Variants in ZNF678 observed in about 807,000 individuals in gnomAD.
The protein encoded by ZNF678 is hypothetical protein MGC42493.
Under a neutral mutation model 3.0 loss-of-function variants are expected in ZNF678, and 5 were observed. The observed-to-expected ratio is 1.69, with a 90% confidence interval of 0.88 to 3.56. The LOEUF (loss-of-function observed/expected upper bound fraction) is 3.56, where lower values mean the gene tolerates loss of function less well. Ranked by LOEUF, ZNF678 falls within the 30% of genes most tolerant of loss-of-function variation. The probability of loss-of-function intolerance (pLI) is 0.00; values close to 1 mark genes in which losing one functional copy is unlikely to be tolerated. For missense variants in ZNF678, 593 were observed against 605.0 expected, an observed-to-expected ratio of 0.98 and a Z score of 0.21; for synonymous variants, 218 against 199.6, an observed-to-expected ratio of 1.09 and a Z score of -0.78.
downstream of ZNF678, among the ~76,000 whole-genome samples, chr1:227,667,242 C>G (rs1357458160): frequency 6.6e-6 from 1 of 151,978 alleles, no homozygotes; most frequent in Non-Finnish European, 1.5e-5. Flanking sequence ...TGCCATGTTG[C>G]CCAGGCTGGT....
chr1:227,626,586 G>T (rs556013526), intron 1 of ZNF678, among the ~76,000 whole-genome samples: 1 of 152,174 alleles, frequency 6.6e-6, no homozygotes. Context: ...AAGGTCATTG[G>T]TTAGGAAGGG....
At position 227,646,521 on chromosome 1, in the gene ZNF678, GTGTGTAT is replaced by G; in HGVS notation, c.-163-21_-163-15del. 1 of 1,312,046 alleles carries G rather than the reference GTGTGTAT, an allele frequency of 7.6e-7. No individual in the cohort carries two copies. The highest frequency in any genetic ancestry group is 9.9e-7 in the Non-Finnish European group (1 of 1,005,934). 81.3% of individuals were successfully genotyped at this position (1,312,046 alleles called of 1,614,324 possible). ...TGCCCATGGCACATTTTGTAAATAC[GTGTGTAT>G]TTTTCCCCCCCCCAGGGACTACTGG... On this transcript the variant is annotated splice_polypyrimidine_tract_variant and intron_variant, in intron 1 of 3. Transcript: ENST00000343776.
rs377650704 is a variant in ZNF678, at chr1:227,640,224, G to T, written c.-163-6320G>T. On this transcript the variant is annotated intron_variant, in intron 1 of 3. Transcript: ENST00000343776. ...TTCAGGAGAGGGTGGTGAGGAAGGA[G>T]AATGAGTACAGGCAATGCTAGAGTT... is the stretch of plus-strand genomic sequence containing the variant. Among the ~76,000 whole-genome samples, 11 of 152,166 alleles carry T rather than the reference G, an allele frequency of 7.2e-5. No individual in the cohort carries two copies. In the East Asian group the frequency reaches 1.9e-3, roughly 27 times the overall value.
Position 227,581,556 on chromosome 1 carries a change from G to A in ZNF678, c.-164+17832G>A, listed in dbSNP as rs190426613. 1.7e-4 allele frequency among the ~76,000 whole-genome samples: 26 copies of A among 152,148 alleles called. 1 individual carries two copies. The highest frequency in any genetic ancestry group is 2.6e-4 in the Non-Finnish European group (18 of 68,010). On this transcript the variant is annotated intron_variant, in intron 1 of 3. Coordinates refer to ENST00000343776, the MANE Select transcript of ZNF678 (RefSeq NM_001367909.1). ...ATGTGTACTCTTTATGATTGGCTTCGTTCACTCAACATTCTTAGTGGCGCA... is the reference window on the plus strand; with the variant it reads ...ATGTGTACTCTTTATGATTGGCTTCATTCACTCAACATTCTTAGTGGCGCA...
chr1:227,592,215 C>T (rs191503018), intron 1 of ZNF678, among the ~76,000 whole-genome samples: 3 of 152,334 alleles, frequency 2.0e-5, no homozygotes, highest in East Asian at 3.9e-4. Flanking sequence ...ACAGAGCAAG[C>T]TTTGGTATCT....
intron 1 of ZNF678, among the ~76,000 whole-genome samples, chr1:227,597,861 T>TA (rs1386511793): frequency 6.6e-6 from 1 of 152,212 alleles, no homozygotes; most frequent in African/African-American, 2.4e-5. Context: ...GTGTGGCTAC[T>TA]ATGTCCACAA....
In ZNF678 at chr1:227,586,693, C is replaced by G. The variant is rs551177197; in HGVS notation, c.-164+22969C>G. 2.0e-5 allele frequency among the ~76,000 whole-genome samples: 3 copies of G among 152,366 alleles called. No homozygotes were observed. The South Asian group carries it at 6.2e-4, about 32-fold the overall frequency. ...ATTTAAACTCTGCTTGCAAGCACCA[C>G]TCCCTCTGTGATTCTGTGTGGTGTC... On this transcript the variant is annotated intron_variant, in intron 1 of 3. Coordinates refer to ENST00000343776, the MANE Select transcript of ZNF678 (RefSeq NM_001367909.1).
At chr1:227,650,053 C>A (rs1197644402) in intron 2 of ZNF678, among the ~76,000 whole-genome samples, 2 of 151,948 alleles carry the variant, frequency 1.3e-5, no homozygotes, top group African/African-American at 4.8e-5. Context: ...CTTTTGTTGC[C>A]TGTACTTTTG....
rs79145640 is a variant in ZNF678 at position 227,646,527 on chromosome 1, A to AT, written c.-163-12dup. The stretch of plus-strand genomic sequence containing the variant: ...TGGCACATTTTGTAAATACGTGTGT[A>AT]TTTTTCCCCCCCCCAGGGACTACTG... On this transcript the variant is annotated splice_polypyrimidine_tract_variant and intron_variant, in intron 1 of 3. Coordinates refer to ENST00000343776, the MANE Select transcript of ZNF678 (RefSeq NM_001367909.1). 3.0e-6 allele frequency: 4 copies of AT among 1,322,702 alleles called. No individual in the cohort carries two copies. The South Asian group carries it at 4.6e-5, about 15-fold the overall frequency. 81.9% of individuals were successfully genotyped at this position (1,322,702 alleles called of 1,614,324 possible). A position where few individuals can be genotyped will look rare whatever the true frequency, so the allele number is the denominator to read the frequency against.
intron 1 of ZNF678, among the ~76,000 whole-genome samples, chr1:227,612,770 A>G (rs1370604943): frequency 1.3e-5 from 2 of 152,202 alleles, no homozygotes; most frequent in Non-Finnish European, 2.9e-5. Flanking sequence ...AATTACCCAC[A>G]TGTCAACCAG....
chr1:227,646,513 G>A (rs1468347587), intron 1 of ZNF678, 31 bp from the exon 2 acceptor site: 4 of 1,341,224 alleles, frequency 3.0e-6, no homozygotes, highest in Admixed American at 2.1e-5. Flanking sequence ...GGCACATTTT[G>A]TAAATACGTG....
intron 1 of ZNF678, among the ~76,000 whole-genome samples, chr1:227,643,414 A>G (rs1186246425): frequency 6.6e-6 from 1 of 152,200 alleles, no homozygotes; most frequent in Non-Finnish European, 1.5e-5. Context: ...AACTGAAAAT[A>G]AGCCAGTGGT....
intron 1 of ZNF678, chr1:227,598,401 G>C (rs1331163643): frequency 1.4e-6 from 2 of 1,433,686 alleles, no homozygotes; most frequent in African/African-American, 2.9e-5. Context: ...TTCTTTATAA[G>C]GGAATCCTGA....
intron 1 of ZNF678, among the ~76,000 whole-genome samples, chr1:227,614,325 C>T (rs1210470064): frequency 6.6e-6 from 1 of 152,256 alleles, no homozygotes; most frequent in African/African-American, 2.4e-5. Flanking sequence ...ATACCTACTG[C>T]AACATAAACC....
chr1:227,667,841 C>T (rs1220126397), intron 5 of ZNF678, among the ~76,000 whole-genome samples: 1 of 152,060 alleles, frequency 6.6e-6, no homozygotes, highest in African/African-American at 2.4e-5. Context: ...TGTGATGAAA[C>T]ATATGAACAC....
At chr1:227,678,222 C>G (rs1033455143), downstream of ZNF678, among the ~76,000 whole-genome samples, 6 of 152,036 alleles carry the variant, frequency 3.9e-5, no homozygotes, top group Non-Finnish European at 8.8e-5. Flanking sequence ...TGGTACAAGC[C>G]CTCAACAAGA....
rs776526764 is a variant in ZNF678, at chr1:227,655,699, T to C, written c.1449T>C (p.His483=). ...FSSLTRHKRI[H]TGEKRYKCKE... ...GCCTTACTCGTCATAAAAGAATTCA[T>C]ACTGGAGAGAAACGCTACAAATGTA... The change falls in exon 4 of 4, where the codon CAT becomes CAC. Residue 483 remains histidine (H), a synonymous_variant. Transcript: ENST00000343776. 38 of 1,612,650 alleles carry C rather than the reference T, an allele frequency of 2.4e-5. No individual in the cohort carries two copies. In the African/African-American group the frequency reaches 4.8e-4, roughly 20 times the overall value.
At chr1:227,572,235 A>G (rs1413210725) in intron 1 of ZNF678, among the ~76,000 whole-genome samples, 2 of 152,286 alleles carry the variant, frequency 1.3e-5, no homozygotes, top group Admixed American at 6.5e-5. Context: ...TCCAAAGGTG[A>G]TGGCTTAGAG....
At chr1:227,630,270 TC>T (rs1245729238) in intron 1 of ZNF678, among the ~76,000 whole-genome samples, 6 of 152,338 alleles carry the variant, frequency 3.9e-5, no homozygotes, top group African/African-American at 1.4e-4. Context: ...TTCCTAGTTT[TC>T]CTTAGTCCTT....
Sources: allele counts gnomAD v4.1 joint callset (sites outside exome capture counted in the v4.1 genomes callset), GRCh38; gene constraint gnomAD v4.1.1; transcripts MANE v1.5; gene names NCBI Gene and HGNC (gene_info 2026-07-23, HGNC 2026-07-21).